The following IREB2 variants were observed in gnomAD, a reference collection of about 807,000 sequenced individuals.
The protein encoded by IREB2 is iron-responsive element-binding protein 2.
In IREB2, 39 loss-of-function variants were observed where a neutral mutation model predicts 118.8. That is an observed-to-expected ratio of 0.33 (90% confidence interval 0.25 to 0.43). The LOEUF (loss-of-function observed/expected upper bound fraction) is 0.43, where lower values mean the gene tolerates loss of function less well. IREB2 is among the 20% of genes least tolerant of loss of function. IREB2 has a pLI of 1.00. For synonymous variants in IREB2, 372 were observed against 392.2 expected (o/e 0.95, Z 0.61); for missense variants, 900 against 1,147.3 (o/e 0.78, Z 3.11).
At chr15:78,496,260 T>C (rs2051836292) in intron 20 of IREB2, among the ~76,000 whole-genome samples, 1 of 152,228 alleles carries the variant, frequency 6.6e-6, no homozygotes, top group African/African-American at 2.4e-5. Context: ...CTCTTCATTA[T>C]TGTTGTTACT....
rs2051935077 is a variant in IREB2, at chr15:78,501,024, C to T, written c.*2881C>T. On this transcript the variant is annotated 3_prime_UTR_variant, in exon 22 of 22. Transcript: ENST00000258886. ...TGAGAAGAAATTATTTGACATTTTTCTGTGGTTGAATAGAAGACACCTTTC... is the reference window on the plus strand; with the variant it reads ...TGAGAAGAAATTATTTGACATTTTTTTGTGGTTGAATAGAAGACACCTTTC... 1 of 152,126 alleles carries T rather than the reference C, an allele frequency of 6.6e-6. No homozygotes were observed. The highest frequency in any genetic ancestry group is 1.5e-5 in the Non-Finnish European group (1 of 68,010). 9.4% of individuals were successfully genotyped at this position (152,126 alleles called of 1,614,324 possible). A position where few individuals can be genotyped will look rare whatever the true frequency, so the allele number is the denominator to read the frequency against.
Position 78,490,474 on chromosome 15 carries a change from C to T in IREB2, c.2129C>T (p.Pro710Leu), listed in dbSNP as rs1191623291. The T allele has an allele frequency of 1.2e-6, 2 of 1,609,494 alleles. No homozygotes were observed. The highest frequency in any genetic ancestry group is 1.7e-6 in the Non-Finnish European group (2 of 1,178,756). Reference protein sequence around the residue: ...SLEAPDSVLFPWDLKSTYIRC... With the variant: ...SLEAPDSVLFLWDLKSTYIRC... ...GAAGCACCGGATTCAGTTTTGTTTCCATGGGACTTAAAGTCTACTTATATC... is the reference window on the plus strand; with the variant it reads ...GAAGCACCGGATTCAGTTTTGTTTCTATGGGACTTAAAGTCTACTTATATC... Residue 710 changes from proline to leucine, a missense_variant, in exon 17 of 22, where the codon CCA becomes CTA. By Grantham distance (98) the Pro-to-Leu change is moderately conservative (BLOSUM62 -3). Coordinates refer to ENST00000258886, the MANE Select transcript of IREB2 (RefSeq NM_004136.4).
intron 2 of IREB2, among the ~76,000 whole-genome samples, chr15:78,440,148 C>CTT (rs747459637): frequency 6.7e-6 from 1 of 149,876 alleles, no homozygotes; most frequent in East Asian, 1.9e-4. Flanking sequence ...AGTTTTCAAA[C>CTT]TTTTTTTTTT....
intron 5 of IREB2, 72 bp downstream of exon 5, chr15:78,466,561 C>CA: frequency 1.2e-6 from 1 of 868,564 alleles, no homozygotes; most frequent in Non-Finnish European, 1.7e-6. Flanking sequence ...AATTTATTCT[C>CA]TTCCCACCCA....
At chr15:78,467,088 T>G (rs1054670092) in intron 5 of IREB2, among the ~76,000 whole-genome samples, 1 of 151,424 alleles carries the variant, frequency 6.6e-6, no homozygotes, top group Non-Finnish European at 1.5e-5. Flanking sequence ...CGCGCCCCTG[T>G]GGTCCCAGCT....
chr15:78,449,173 A>G (rs576581011), intron 2 of IREB2, among the ~76,000 whole-genome samples: 5 of 152,294 alleles, frequency 3.3e-5, no homozygotes, highest in African/African-American at 4.8e-5. Flanking sequence ...TTTCTTTCCA[A>G]TACCATTCTG....
chr15:78,437,870 A>G (rs2050776010), upstream of IREB2: 1 of 171,002 alleles, frequency 5.8e-6, no homozygotes, highest in African/African-American at 2.4e-5. Flanking sequence ...GTTCTCCTTG[A>G]GCTCTTTCTC....
chr15:78,459,179 T>TG (rs1445657296), intron 2 of IREB2, among the ~76,000 whole-genome samples: 1 of 152,194 alleles, frequency 6.6e-6, no homozygotes, highest in African/African-American at 2.4e-5. Flanking sequence ...ATCAGCATTT[T>TG]GCCAATCTTT....
chr15:78,438,182 G>C, upstream of IREB2: 2 of 617,292 alleles, frequency 3.2e-6, no homozygotes, highest in South Asian at 3.8e-5. Context: ...GCGCAGACCC[G>C]GGGCTGGCTC....
Position 78,459,325 on chromosome 15 carries a change from G to GT in IREB2, c.107-3591dup, listed in dbSNP as rs150463119. ...TTAAGTAATCCCTTAATATAATTGG[G>GT]TTTTTTGTTTGTTTGTTTTGGTTTT... On this transcript the variant is annotated intron_variant, in intron 2 of 21. Transcript: ENST00000258886. 2.6e-3 allele frequency among the ~76,000 whole-genome samples: 390 copies of GT among 149,590 alleles called. 4 individuals carry two copies. Among genetic ancestry groups the GT allele is most frequent in the African/African-American group, 9.1e-3 (377 of 41,362 alleles).
chr15:78,448,681 T>G (rs544954198), intron 2 of IREB2, among the ~76,000 whole-genome samples: 1 of 152,262 alleles, frequency 6.6e-6, no homozygotes, highest in East Asian at 1.9e-4. Context: ...CTTCCTTATC[T>G]TTTCTCCAGG....
At chr15:78,438,901 C>G (rs1271576014) in intron 1 of IREB2, 3 of 152,910 alleles carry the variant, frequency 2.0e-5, no homozygotes, top group African/African-American at 7.2e-5. Context: ...GTCTCCTCCC[C>G]CGTCCACCTC....
intron 2 of IREB2, among the ~76,000 whole-genome samples, chr15:78,450,416 A>T (rs1349390122): frequency 6.6e-6 from 1 of 152,222 alleles, no homozygotes; most frequent in Non-Finnish European, 1.5e-5. Flanking sequence ...AACTCACTGG[A>T]ATAGGTGTGG....
At chr15:78,457,909 C>T (rs1262917902) in intron 2 of IREB2, among the ~76,000 whole-genome samples, 1 of 152,086 alleles carries the variant, frequency 6.6e-6, no homozygotes, top group East Asian at 1.9e-4. Flanking sequence ...AATTTTTCCC[C>T]TGTAATTCCC....
intron 8 of IREB2, chr15:78,475,548 T>C (rs2051454412): frequency 6.6e-6 from 1 of 152,298 alleles, no homozygotes; most frequent in South Asian, 2.1e-4. Flanking sequence ...CAAACACCAC[T>C]GTTTTATGCA....
At chr15:78,472,647 G>A (rs1026923612) in intron 7 of IREB2, among the ~76,000 whole-genome samples, 11 of 152,198 alleles carry the variant, frequency 7.2e-5, no homozygotes, top group Admixed American at 2.6e-4. Context: ...GATTACAGGC[G>A]TGAGCCACTG....
chr15:78,500,567 A>T lies in IREB2; in HGVS notation c.*2424A>T, dbSNP rs2051926031. ...AAAAAAAAAAAAAAAAGGAAGTGTA[A>T]TGTCAGACACACAAGAAAAGCAAAT... is the stretch of plus-strand genomic sequence containing the variant. On this transcript the variant is annotated 3_prime_UTR_variant, in exon 22 of 22. Coordinates refer to ENST00000258886, the MANE Select transcript of IREB2 (RefSeq NM_004136.4). 1.3e-5 allele frequency: 2 copies of T among 150,410 alleles called. No individual in the cohort carries two copies. The highest frequency in any genetic ancestry group is 2.4e-5 in the African/African-American group (1 of 41,020). The allele number at this position is 150,410 out of a possible 1,614,324, so 9.3% of individuals were successfully genotyped here. A position where few individuals can be genotyped will look rare whatever the true frequency, so the allele number is the denominator to read the frequency against.
chr15:78,477,080 A>G (rs1422880311), intron 9 of IREB2, among the ~76,000 whole-genome samples: 5 of 152,160 alleles, frequency 3.3e-5, no homozygotes, highest in African/African-American at 1.2e-4. Context: ...AGACAGCAAA[A>G]TTGATGAATG....
At chr15:78,441,882 G>C (rs1213875628) in intron 2 of IREB2, among the ~76,000 whole-genome samples, 1 of 151,542 alleles carries the variant, frequency 6.6e-6, no homozygotes, top group Non-Finnish European at 1.5e-5. Context: ...CAGTACCCTG[G>C]TTTTTATTTT....
Sources: gnomAD v4.1 joint callset for allele counts (sites outside exome capture counted in the v4.1 genomes callset) on GRCh38, gnomAD v4.1.1 for gene constraint, MANE v1.5 for transcripts, NCBI Gene and HGNC (gene_info 2026-07-23, HGNC 2026-07-21) for gene names.